The following CPQ variants were observed in gnomAD, a reference collection of about 807,000 sequenced individuals.
The protein encoded by CPQ is Ser-Met dipeptidase.
CPQ carries 37 observed loss-of-function variants against 45.7 expected under a neutral mutation model. The observed-to-expected ratio is 0.81, with a 90% CI of 0.62 to 1.07. CPQ has a LOEUF of 1.07. CPQ is among the 50% of genes least tolerant of loss of function. The probability of loss-of-function intolerance (pLI) is 0.00; values close to 1 mark genes in which losing one functional copy is unlikely to be tolerated. For synonymous variants in CPQ, 186 were observed against 205.8 expected (o/e 0.90, Z 0.82); for missense variants, 537 against 572.9 (o/e 0.94, Z 0.64).
At chr8:96,927,778 A>G (rs943831087) in intron 4 of CPQ, among the ~76,000 whole-genome samples, 3 of 152,216 alleles carry the variant, frequency 2.0e-5, no homozygotes, top group Non-Finnish European at 4.4e-5. Context: ...TTTATACTCC[A>G]GGAACCAAGC....
At chr8:96,792,162 G>C (rs1225862165) in intron 2 of CPQ, among the ~76,000 whole-genome samples, 2 of 152,182 alleles carry the variant, frequency 1.3e-5, no homozygotes. Flanking sequence ...TCTGTGGAGA[G>C]TTTGAAGAAG....
intron 1 of CPQ, among the ~76,000 whole-genome samples, chr8:96,648,838 T>A (rs1284048693): frequency 6.6e-6 from 1 of 152,216 alleles, no homozygotes; most frequent in African/African-American, 2.4e-5. Flanking sequence ...GAGGCAAGTA[T>A]GAACATGGCA....
intron 4 of CPQ, among the ~76,000 whole-genome samples, chr8:96,922,629 T>A (rs748511495): frequency 6.6e-6 from 1 of 152,200 alleles, no homozygotes; most frequent in Non-Finnish European, 1.5e-5. Context: ...TTTTGTTTTG[T>A]TTGAAAGGAG....
At chr8:96,910,520 T>C (rs538773927) in intron 4 of CPQ, among the ~76,000 whole-genome samples, 1 of 152,336 alleles carries the variant, frequency 6.6e-6, no homozygotes, top group African/African-American at 2.4e-5. Flanking sequence ...TCTCTCTCTC[T>C]TTGAGACGGA....
At chr8:96,997,269 C>T (rs1003348332) in intron 5 of CPQ, among the ~76,000 whole-genome samples, 11 of 151,840 alleles carry the variant, frequency 7.2e-5, no homozygotes, top group Non-Finnish European at 7.4e-5. Flanking sequence ...CTAGAAGAGT[C>T]GAAGTTTTGA....
chr8:96,877,050 T>C (rs1812155437), intron 3 of CPQ, among the ~76,000 whole-genome samples: 1 of 152,190 alleles, frequency 6.6e-6, no homozygotes, highest in Non-Finnish European at 1.5e-5. Context: ...GCTTCCTTGG[T>C]AGTTTACCCT....
chr8:97,114,948 C>T (rs1471519256), intron 7 of CPQ, among the ~76,000 whole-genome samples: 1 of 152,172 alleles, frequency 6.6e-6, no homozygotes, highest in East Asian at 1.9e-4. Flanking sequence ...ACAGCATTTC[C>T]ATTTTGAAAT....
chr8:96,684,616 G>A (rs572108940), intron 1 of CPQ, among the ~76,000 whole-genome samples: 43 of 152,294 alleles, frequency 2.8e-4, no homozygotes, highest in African/African-American at 9.1e-4. Context: ...GCAGTGGATA[G>A]GGTAGCCCTG....
chr8:96,956,236 G>A (rs759897474), intron 4 of CPQ, among the ~76,000 whole-genome samples: 5 of 152,106 alleles, frequency 3.3e-5, no homozygotes, highest in Admixed American at 3.3e-4. Flanking sequence ...CTCTCCAGCA[G>A]GTCTATCTTT....
chr8:96,919,436 T>C (rs1456735154), intron 4 of CPQ, among the ~76,000 whole-genome samples: 4 of 152,186 alleles, frequency 2.6e-5, no homozygotes, highest in African/African-American at 9.7e-5. Flanking sequence ...TCTGTGCTGC[T>C]GACTCTACTA....
intron 5 of CPQ, among the ~76,000 whole-genome samples, chr8:96,983,405 TG>T (rs1813941262): frequency 6.6e-6 from 1 of 152,246 alleles, no homozygotes; most frequent in South Asian, 2.1e-4. Context: ...ACTGCGTTAC[TG>T]AGCTCCAATT....
chr8:96,757,422 G>A (rs557851671), intron 1 of CPQ, among the ~76,000 whole-genome samples: 1 of 149,638 alleles, frequency 6.7e-6, no homozygotes, highest in African/African-American at 2.4e-5. Flanking sequence ...TAATTTGAAG[G>A]CATTGCTTCT....
At chr8:96,890,003 C>T (rs1437595271) in intron 4 of CPQ, among the ~76,000 whole-genome samples, 1 of 152,154 alleles carries the variant, frequency 6.6e-6, no homozygotes, top group Admixed American at 6.5e-5. Flanking sequence ...TTAACCATGA[C>T]AAGTTCACCC....
In CPQ at chr8:97,000,349, C is replaced by T. The variant is rs562785528; in HGVS notation, c.962-29054C>T. 2.6e-5 allele frequency among the ~76,000 whole-genome samples: 4 copies of T among 152,042 alleles called. No individual in the cohort carries two copies. The South Asian group carries it at 8.3e-4, about 31-fold the overall frequency. The stretch of plus-strand genomic sequence containing the variant: ...TCCAGAATAGTATTGCCCAGGTTGT[C>T]TTCCAGGGTTTTTATAGTTTTGGGT... On this transcript the variant is annotated intron_variant, in intron 5 of 7. Coordinates refer to ENST00000220763, the MANE Select transcript of CPQ (RefSeq NM_016134.4).
At chr8:97,141,447 C>T (rs1166115451) in intron 7 of CPQ, among the ~76,000 whole-genome samples, 1 of 152,116 alleles carries the variant, frequency 6.6e-6, no homozygotes, top group Non-Finnish European at 1.5e-5. Context: ...CTTAATCTCA[C>T]AATTAGTTTC....
chr8:96,814,710 C>T (rs1026664836), intron 2 of CPQ, among the ~76,000 whole-genome samples: 2 of 152,098 alleles, frequency 1.3e-5, no homozygotes, highest in African/African-American at 4.8e-5. Flanking sequence ...ATCAGGGGCT[C>T]ACAGTCCTCA....
intron 4 of CPQ, among the ~76,000 whole-genome samples, chr8:96,904,176 C>T (rs1397529370): frequency 1.3e-5 from 2 of 152,046 alleles, no homozygotes; most frequent in African/African-American, 4.8e-5. Context: ...GGGGAGCCAA[C>T]TTTTCTTTAA....
chr8:96,887,040 G>C (rs903344426), intron 4 of CPQ, among the ~76,000 whole-genome samples: 1 of 151,962 alleles, frequency 6.6e-6, no homozygotes, highest in East Asian at 1.9e-4. Flanking sequence ...TTGTCACTTT[G>C]GAAGAGGATC....
chr8:97,084,452 A>AAATT (rs1811006943), intron 7 of CPQ, among the ~76,000 whole-genome samples: 2 of 152,184 alleles, frequency 1.3e-5, no homozygotes, highest in Admixed American at 1.3e-4. Flanking sequence ...CTATTTATGA[A>AAATT]AATTAGAACT....
Sources: gnomAD v4.1 joint callset for allele counts (sites outside exome capture counted in the v4.1 genomes callset) on GRCh38, gnomAD v4.1.1 for gene constraint, MANE v1.5 for transcripts, NCBI Gene and HGNC (gene_info 2026-07-23, HGNC 2026-07-21) for gene names.